The following FRMD4B variants were observed in gnomAD, a reference collection of about 807,000 sequenced individuals.
FRMD4B encodes the protein FERM domain containing 4B.
FRMD4B carries 74 observed loss-of-function variants against 141.5 expected under a neutral mutation model. The observed-to-expected ratio is 0.52, with a 90% CI of 0.43 to 0.63. The LOEUF (loss-of-function observed/expected upper bound fraction) is 0.63, where lower values mean the gene tolerates loss of function less well. Ranked by LOEUF, FRMD4B falls within the 30% of genes least tolerant of loss-of-function variation. FRMD4B has a pLI of 0.00. For synonymous variants in FRMD4B, 506 were observed against 467.9 expected, an observed-to-expected ratio of 1.08 and a Z score of -1.05; for missense variants, 1,366 against 1,253.4, an observed-to-expected ratio of 1.09 and a Z score of -1.36.
intron 1 of FRMD4B, among the ~76,000 whole-genome samples, chr3:69,468,244 T>A (rs1003867403): frequency 6.6e-6 from 1 of 151,992 alleles, no homozygotes; most frequent in East Asian, 1.9e-4. Flanking sequence ...CTCCCAACAA[T>A]CATCAATTCA....
intron 7 of FRMD4B, among the ~76,000 whole-genome samples, chr3:69,248,768 A>G (rs1353785155): frequency 1.3e-5 from 2 of 152,264 alleles, no homozygotes; most frequent in Non-Finnish European, 2.9e-5. Flanking sequence ...TACAACTGTT[A>G]GGTCAAGTGT....
At chr3:69,366,139 A>G (rs928524337) in intron 1 of FRMD4B, among the ~76,000 whole-genome samples, 5 of 151,370 alleles carry the variant, frequency 3.3e-5, no homozygotes, top group Non-Finnish European at 7.4e-5. Context: ...ACAGGCTTGT[A>G]ATCCCGGCTA....
At chr3:69,348,011 TA>T (rs1480461917) in intron 1 of FRMD4B, among the ~76,000 whole-genome samples, 1 of 151,758 alleles carries the variant, frequency 6.6e-6, no homozygotes, top group African/African-American at 2.4e-5. Context: ...ATAGAGACAC[TA>T]AAAACCCTTC....
intron 7 of FRMD4B, among the ~76,000 whole-genome samples, chr3:69,246,599 C>T (rs562881192): frequency 6.6e-6 from 1 of 152,108 alleles, no homozygotes; most frequent in Non-Finnish European, 1.5e-5. Flanking sequence ...TCCCACATGT[C>T]CTGAAAACCA....
At chr3:69,233,252 G>A (rs534164535) in intron 7 of FRMD4B, among the ~76,000 whole-genome samples, 49 of 152,018 alleles carry the variant, frequency 3.2e-4, no homozygotes, top group African/African-American at 1.1e-3. Context: ...TTTGGGAGGC[G>A]AGATGGATCA....
intron 17 of FRMD4B, 30 bp from the exon 18 acceptor site, chr3:69,189,982 A>C (rs1325099284): frequency 7.4e-7 from 1 of 1,351,420 alleles, no homozygotes; most frequent in Non-Finnish European, 1.1e-6. Flanking sequence ...CCTTTAGTAC[A>C]ATTGTGCATT....
intron 4 of FRMD4B, among the ~76,000 whole-genome samples, chr3:69,291,746 T>G (rs35441373): frequency 1.3e-5 from 2 of 151,856 alleles, no homozygotes; most frequent in African/African-American, 4.8e-5. Context: ...CCTAGATCCC[T>G]GCAGAAGCCC....
intron 1 of FRMD4B, among the ~76,000 whole-genome samples, chr3:69,503,613 A>G (rs1706541911): frequency 6.6e-6 from 1 of 152,078 alleles, no homozygotes; most frequent in African/African-American, 2.4e-5. Context: ...GCAGCACACT[A>G]ATATGGCACA....
At position 69,219,870 on chromosome 3, in the gene FRMD4B, G is replaced by A. The variant is rs369138573; in HGVS notation, c.732-1491C>T. The stretch of plus-strand genomic sequence containing the variant: ...TCCTACTGATAAGTGAGAACAAGTG[G>A]TATTTGGTTTTCTGTTCCTGCATTA... On this transcript the variant is annotated intron_variant, in intron 9 of 22. Transcript: ENST00000398540. Among the ~76,000 whole-genome samples the A allele has an allele frequency of 2.6e-4, 39 of 152,268 alleles. No individual in the cohort carries two copies. The East Asian group carries it at 4.6e-3, about 18-fold the overall frequency.
intron 1 of FRMD4B, among the ~76,000 whole-genome samples, chr3:69,479,846 A>T (rs9840121): frequency 2.0e-5 from 3 of 152,010 alleles, no homozygotes; most frequent in Non-Finnish European, 4.4e-5. Flanking sequence ...AGGTACAGCA[A>T]TCTGACGTAG....
intron 9 of FRMD4B, among the ~76,000 whole-genome samples, chr3:69,218,621 A>G (rs2093163902): frequency 6.6e-6 from 1 of 152,222 alleles, no homozygotes; most frequent in Admixed American, 6.5e-5. Flanking sequence ...TACTTTCCAC[A>G]CATTCAAATG....
chr3:69,471,211 A>G (rs1705884436), intron 1 of FRMD4B, among the ~76,000 whole-genome samples: 1 of 152,194 alleles, frequency 6.6e-6, no homozygotes, highest in South Asian at 2.1e-4. Flanking sequence ...TTTGTAATCA[A>G]ATAGACCGGG....
chr3:69,243,005 A>AC (rs1304448956), intron 7 of FRMD4B, among the ~76,000 whole-genome samples: 1 of 151,650 alleles, frequency 6.6e-6, no homozygotes, highest in East Asian at 1.9e-4. Context: ...AAAAAAAAAA[A>AC]AAAAAAAGCT....
intron 1 of FRMD4B, among the ~76,000 whole-genome samples, chr3:69,444,020 T>C (rs963820180): frequency 1.6e-4 from 25 of 151,612 alleles, no homozygotes; most frequent in Admixed American, 6.6e-4. Context: ...ACTTCACCCA[T>C]ACCAGGGACT....
At chr3:69,350,686 G>A (rs9864198) in intron 1 of FRMD4B, among the ~76,000 whole-genome samples, 151,022 of 152,184 alleles carry the variant, frequency 0.99, 74,949 homozygotes, top group East Asian at 1. Flanking sequence ...GACATGGATG[G>A]TGCTGGAAAC....
intron 2 of FRMD4B, among the ~76,000 whole-genome samples, chr3:69,406,986 G>A (rs1259099755): frequency 1.3e-5 from 2 of 151,256 alleles, no homozygotes; most frequent in Non-Finnish European, 2.9e-5. Flanking sequence ...GACTTCAAGG[G>A]ATCTGCCTTG....
rs1399093237 is a variant in FRMD4B, at chr3:69,383,678, A to C, written c.162+2150T>G. Among the ~76,000 whole-genome samples, 5 of 151,442 alleles carry C rather than the reference A, an allele frequency of 3.3e-5. No homozygotes were observed. The South Asian group carries it at 1.0e-3, about 32-fold the overall frequency. ...GGGCTCAAGTGATCCTCCTGCCTCA[A>C]CGTCTTGAGCAGAGAGAACCACAGG... On this transcript the variant is annotated intron_variant, in intron 1 of 22. Transcript: ENST00000398540.
At chr3:69,340,009 T>A (rs1281936193) in intron 1 of FRMD4B, among the ~76,000 whole-genome samples, 1 of 152,166 alleles carries the variant, frequency 6.6e-6, no homozygotes, top group Admixed American at 6.5e-5. Flanking sequence ...CCTGGTCTTG[T>A]GTTAACTTCC....
intron 20 of FRMD4B, 62 bp from the exon 21 acceptor site, chr3:69,181,772 A>G: frequency 1.0e-6 from 1 of 993,772 alleles, no homozygotes; most frequent in Non-Finnish European, 1.5e-6. Context: ...CAAATAAGAA[A>G]AAAGAATAGC....
Sources: gnomAD v4.1 joint callset for allele counts (sites outside exome capture counted in the v4.1 genomes callset) on GRCh38, gnomAD v4.1.1 for gene constraint, MANE v1.5 for transcripts, NCBI Gene and HGNC (gene_info 2026-07-23, HGNC 2026-07-21) for gene names.